Variants in MAGI1 observed in about 807,000 individuals in gnomAD.
The protein encoded by MAGI1 is membrane-associated guanylate kinase, WW and PDZ domain-containing protein 1.
MAGI1 carries 58 observed loss-of-function variants against 139.9 expected under a neutral mutation model. The observed-to-expected ratio is 0.41, with a 90% CI of 0.34 to 0.52. The LOEUF (loss-of-function observed/expected upper bound fraction) is 0.52. Among genes scored for constraint, MAGI1 ranks in the 20% least tolerant of loss-of-function variants. The probability of loss-of-function intolerance (pLI) is 0.12; values close to 1 mark genes in which losing one functional copy is unlikely to be tolerated. For synonymous variants in MAGI1, 812 were observed against 737.9 expected, an observed-to-expected ratio of 1.10 and a Z score of -1.63; for missense variants, 1,874 against 1,901.6, an observed-to-expected ratio of 0.99 and a Z score of 0.27.
At chr3:65,446,446 C>T (rs1948677094) in intron 7 of MAGI1, among the ~76,000 whole-genome samples, 4 of 152,182 alleles carry the variant, frequency 2.6e-5, no homozygotes, top group Admixed American at 2.6e-4. Context: ...ACAGCACAAG[C>T]AAGTCACCAC....
At chr3:66,029,397 G>C (rs183751212) in intron 1 of MAGI1, among the ~76,000 whole-genome samples, 37 of 152,302 alleles carry the variant, frequency 2.4e-4, no homozygotes, top group African/African-American at 7.7e-4. Context: ...AAGCATAACT[G>C]TGGCCCATTA....
chr3:65,785,904 C>T lies in MAGI1; in HGVS notation c.314-163816G>A, dbSNP rs187911019. 1.9e-3 allele frequency among the ~76,000 whole-genome samples: 282 copies of T among 151,944 alleles called. 2 individuals are homozygous for T. The highest frequency in any genetic ancestry group is 6.5e-3 in the African/African-American group (269 of 41,468). ...AATTTTTTAGGCCATGAATCCTTCC[C>T]GACCTCCCCCTTATTCCTGCTGTCA... On this transcript the variant is annotated intron_variant, in intron 1 of 22. Coordinates refer to ENST00000402939, the MANE Select transcript of MAGI1 (RefSeq NM_001033057.2).
chr3:65,477,128 CCT>C (rs1375176348), intron 4 of MAGI1, among the ~76,000 whole-genome samples: 1 of 152,160 alleles, frequency 6.6e-6, no homozygotes, highest in Non-Finnish European at 1.5e-5. Flanking sequence ...AAACAAATCT[CCT>C]CTGTCTTTAC....
At chr3:65,577,887 C>A (rs1202226295) in intron 2 of MAGI1, among the ~76,000 whole-genome samples, 1 of 152,190 alleles carries the variant, frequency 6.6e-6, no homozygotes, top group East Asian at 1.9e-4. Context: ...GAATCAACCA[C>A]ATTCTTTTAT....
chr3:66,000,003 C>T (rs556549580), intron 1 of MAGI1, among the ~76,000 whole-genome samples: 4 of 131,080 alleles, frequency 3.1e-5, no homozygotes, highest in South Asian at 2.5e-4. Flanking sequence ...TACGGAGTCT[C>T]GCTCTGTCCC....
chr3:65,988,993 A>C (rs2107341654), intron 1 of MAGI1, among the ~76,000 whole-genome samples: 1 of 152,360 alleles, frequency 6.6e-6, no homozygotes, highest in Non-Finnish European at 1.5e-5. Context: ...AGCTGACTTA[A>C]CTAAGGCTCA....
chr3:65,510,951 A>T (rs2077556214), intron 2 of MAGI1, among the ~76,000 whole-genome samples: 1 of 148,516 alleles, frequency 6.7e-6, no homozygotes, highest in South Asian at 2.2e-4. Context: ...CTAACAGCGG[A>T]TCTCTTGGCA....
In MAGI1 at chr3:65,440,017, G is replaced by A. The variant is rs1341025504; in HGVS notation, c.1137-5C>T. On this transcript the variant is annotated splice_region_variant and splice_polypyrimidine_tract_variant and intron_variant, in intron 8 of 22. Coordinates refer to ENST00000402939, the MANE Select transcript of MAGI1 (RefSeq NM_001033057.2). ...TGTGTCTTCCTGTTGATGTGGCTGG[G>A]GAAGATAGCAAATAGTATTCAGCTT... 2.5e-6 allele frequency: 4 copies of A among 1,613,866 alleles called. No homozygotes were observed. The highest frequency in any genetic ancestry group is 3.4e-6 in the Non-Finnish European group (4 of 1,179,966).
rs139453973 is a variant in MAGI1 at position 65,922,257 on chromosome 3, C to T, written c.313+115739G>A. On this transcript the variant is annotated intron_variant, in intron 1 of 22. Transcript: ENST00000402939. Reference sequence around the variant, plus strand: ...ATGCAAGAGATAAAACCTGGTATACCGGGGTTGAATAGCATCCCCTCAAAG... The same window carrying T: ...ATGCAAGAGATAAAACCTGGTATACTGGGGTTGAATAGCATCCCCTCAAAG... Among the ~76,000 whole-genome samples the T allele has an allele frequency of 2.9e-3, 438 of 152,194 alleles. 1 individual carries two copies. Among genetic ancestry groups the T allele is most frequent in the Non-Finnish European group, 4.8e-3 (329 of 68,008 alleles).
At chr3:66,037,025 C>T (rs1242568128) in intron 1 of MAGI1, among the ~76,000 whole-genome samples, 2 of 152,148 alleles carry the variant, frequency 1.3e-5, no homozygotes, top group African/African-American at 4.8e-5. Context: ...GGAATCAGCC[C>T]CTTCAGTGCG....
chr3:65,511,382 C>G, intron 2 of MAGI1, among the ~76,000 whole-genome samples: 1 of 144,708 alleles, frequency 6.9e-6, no homozygotes, highest in Admixed American at 7.0e-5. Flanking sequence ...GAGTCAAGAC[C>G]CATCAGTGTG....
chr3:65,652,084 C>T (rs11923290), intron 1 of MAGI1, among the ~76,000 whole-genome samples: 1,600 of 152,048 alleles, frequency 0.011, 24 homozygotes, highest in African/African-American at 0.037. Flanking sequence ...AAATGAAAAC[C>T]AAATGAGAAA....
chr3:65,874,232 G>A (rs2060033985), intron 1 of MAGI1: 1 of 151,984 alleles, frequency 6.6e-6, no homozygotes, highest in Admixed American at 6.5e-5. Flanking sequence ...GTTGTAGTGA[G>A]CCGAAATCTC....
intron 1 of MAGI1, among the ~76,000 whole-genome samples, chr3:65,847,919 C>T (rs77085052): frequency 0.065 from 9,888 of 152,094 alleles, 908 homozygotes; most frequent in African/African-American, 0.2. Flanking sequence ...CCTGTAGTCC[C>T]GGCAACTTGA....
chr3:65,773,742 AC>A (rs1229362460), intron 1 of MAGI1, among the ~76,000 whole-genome samples: 1 of 152,168 alleles, frequency 6.6e-6, no homozygotes, highest in African/African-American at 2.4e-5. Context: ...GGAAAATGTA[AC>A]TGTACTCTAA....
intron 2 of MAGI1, among the ~76,000 whole-genome samples, chr3:65,506,017 G>T (rs1214073073): frequency 1.3e-5 from 2 of 152,130 alleles, no homozygotes; most frequent in African/African-American, 4.8e-5. Flanking sequence ...GGAACTTAAA[G>T]AGTGAAATCA....
At chr3:66,004,750 A>G (rs2066925421) in intron 1 of MAGI1, among the ~76,000 whole-genome samples, 2 of 152,186 alleles carry the variant, frequency 1.3e-5, no homozygotes, top group East Asian at 1.9e-4. Context: ...TCCCATGAAC[A>G]AGGTAAGTCC....
intron 5 of MAGI1, among the ~76,000 whole-genome samples, chr3:65,456,576 T>C (rs1188244251): frequency 6.6e-6 from 1 of 152,238 alleles, no homozygotes; most frequent in Non-Finnish European, 1.5e-5. Flanking sequence ...ATCTTGCTTT[T>C]GATGTCTCTT....
At chr3:65,941,133 G>T (rs1020127169) in intron 1 of MAGI1, among the ~76,000 whole-genome samples, 3 of 152,044 alleles carry the variant, frequency 2.0e-5, no homozygotes, top group Non-Finnish European at 4.4e-5. Flanking sequence ...ATCACCTGAG[G>T]TCAGGAGTTC....
Sources: allele counts gnomAD v4.1 joint callset (sites outside exome capture counted in the v4.1 genomes callset), GRCh38; gene constraint gnomAD v4.1.1; transcripts MANE v1.5; gene names NCBI Gene and HGNC (gene_info 2026-07-23, HGNC 2026-07-21).